Variants in PTPRG observed in about 807,000 individuals in gnomAD.
PTPRG encodes protein tyrosine phosphatase receptor type G.
Under a neutral mutation model 165.3 loss-of-function variants are expected in PTPRG, and 102 were observed. That is an observed-to-expected ratio of 0.62 (90% CI 0.53 to 0.73). PTPRG has a LOEUF of 0.73. Ranked by LOEUF, PTPRG falls within the 30% of genes least tolerant of loss-of-function variation. PTPRG has a pLI of 0.00. For missense variants in PTPRG, 1,866 were observed against 1,861.4 expected (o/e 1.00, Z -0.05); for synonymous variants, 675 against 669.5 (o/e 1.01, Z -0.13).
At chr3:61,787,110 A>T (rs1346650941) in intron 2 of PTPRG, among the ~76,000 whole-genome samples, 2 of 152,222 alleles carry the variant, frequency 1.3e-5, no homozygotes, top group African/African-American at 2.4e-5. Flanking sequence ...GTGCCAAAAA[A>T]AAAAGTTATT....
intron 4 of PTPRG, among the ~76,000 whole-genome samples, 162 bp from the exon 5 acceptor site, chr3:62,077,997 CAAAA>C (rs56828286): frequency 5.3e-5 from 5 of 94,356 alleles, no homozygotes; most frequent in Admixed American, 1.2e-4. Flanking sequence ...GACCTTATCT[CAAAA>C]AAAAAAAAAA....
At chr3:61,690,962 T>G (rs1316151792) in intron 1 of PTPRG, among the ~76,000 whole-genome samples, 1 of 152,200 alleles carries the variant, frequency 6.6e-6, no homozygotes, top group Non-Finnish European at 1.5e-5. Flanking sequence ...TGGGGTGAAT[T>G]GCTATGTTTT....
intron 1 of PTPRG, among the ~76,000 whole-genome samples, chr3:61,659,058 TGC>T (rs1702590031): frequency 1.3e-5 from 2 of 151,968 alleles, no homozygotes; most frequent in African/African-American, 4.8e-5. Context: ...CCCCTGCCCC[TGC>T]CCCTGTTCCC....
chr3:62,101,213 C>A (rs75376337), intron 5 of PTPRG, among the ~76,000 whole-genome samples: 2,332 of 152,132 alleles, frequency 0.015, 55 homozygotes, highest in African/African-American at 0.047. Context: ...AGTTATCACA[C>A]AAAAAATGAA....
chr3:61,802,728 C>T (rs1559620163), intron 2 of PTPRG, among the ~76,000 whole-genome samples: 1 of 152,016 alleles, frequency 6.6e-6, no homozygotes, highest in East Asian at 1.9e-4. Context: ...TGGAGAGCCT[C>T]TTTGTATGAC....
Position 61,619,993 on chromosome 3 carries a change from CT to C in PTPRG, c.85+57622del, listed in dbSNP as rs138485192. Among the ~76,000 whole-genome samples, 776 of 152,272 alleles carry C rather than the reference CT, an allele frequency of 5.1e-3. 9 individuals are homozygous for C. The highest frequency in any genetic ancestry group is 0.018 in the African/African-American group (734 of 41,552). ...GTTACTCCTTCACGCTGAGCTCTGC[CT>C]AATGAAGATTGGCTGTGTAGAGCCA... is the stretch of plus-strand genomic sequence containing the variant. On this transcript the variant is annotated intron_variant, in intron 1 of 29. Transcript: ENST00000474889.
chr3:61,573,967 T>G (rs1039755460), intron 1 of PTPRG, among the ~76,000 whole-genome samples: 1 of 152,194 alleles, frequency 6.6e-6, no homozygotes, highest in East Asian at 1.9e-4. Context: ...TCCATTCTAA[T>G]TAGAGGACAA....
chr3:62,133,852 A>G (rs1576044729), intron 6 of PTPRG, among the ~76,000 whole-genome samples: 1 of 152,038 alleles, frequency 6.6e-6, no homozygotes, highest in Non-Finnish European at 1.5e-5. Context: ...GCATAGTGAT[A>G]GGCGCCTATA....
intron 13 of PTPRG, among the ~76,000 whole-genome samples, chr3:62,225,693 TCAC>T (rs1428446614): frequency 6.6e-6 from 1 of 151,634 alleles, no homozygotes; most frequent in Non-Finnish European, 1.5e-5. Context: ...TTCACTTTTG[TCAC>T]CGAGGCTGTA....
At chr3:61,706,007 T>C (rs565101902) in intron 1 of PTPRG, among the ~76,000 whole-genome samples, 1 of 152,334 alleles carries the variant, frequency 6.6e-6, no homozygotes, top group East Asian at 1.9e-4. Context: ...GGGACAGTTA[T>C]GTTGTATAAA....
chr3:61,800,865 A>T (rs928156258), intron 2 of PTPRG, among the ~76,000 whole-genome samples: 5 of 152,140 alleles, frequency 3.3e-5, no homozygotes, highest in Middle Eastern at 6.8e-3. Flanking sequence ...GCTGGTCTCG[A>T]ACTCTGGACC....
chr3:62,100,792 C>T (rs573650962), intron 5 of PTPRG, among the ~76,000 whole-genome samples: 1 of 152,294 alleles, frequency 6.6e-6, no homozygotes, highest in South Asian at 2.1e-4. Context: ...TTCCACTGAG[C>T]TGTGGACAGA....
At position 62,267,727 on chromosome 3, in the gene PTPRG, T is replaced by C. The variant is rs746925271; in HGVS notation, c.2782T>C (p.Leu928=). The change falls in exon 19 of 30, where the codon TTG becomes CTG. Residue 928 remains leucine (L), a synonymous_variant. Transcript: ENST00000474889. ...AKAYIATQGP[L]KSTFEDFWRM... Reference sequence around the variant, plus strand: ...AGCCTACATTGCCACCCAAGGACCTTTGAAGTCTACATTTGAAGATTTCTG... The same window carrying C: ...AGCCTACATTGCCACCCAAGGACCTCTGAAGTCTACATTTGAAGATTTCTG... 15 of 1,613,432 alleles carry C rather than the reference T, an allele frequency of 9.3e-6. No individual in the cohort carries two copies. The highest frequency in any genetic ancestry group is 5.5e-5 in the South Asian group (5 of 91,048).
In PTPRG at chr3:61,787,638, C is replaced by T. The variant is rs563276692; in HGVS notation, c.190+38656C>T. ...AAATGCTTGATCACTGACCCCAGAC[C>T]TTAATGTTCATTCCTTATTGGAAGC... On this transcript the variant is annotated intron_variant, in intron 2 of 29. Coordinates refer to ENST00000474889, the MANE Select transcript of PTPRG (RefSeq NM_002841.4). Among the ~76,000 whole-genome samples, 18 of 152,300 alleles carry T rather than the reference C, an allele frequency of 1.2e-4. No individual in the cohort carries two copies. In the South Asian group the frequency reaches 1.2e-3, roughly 11 times the overall value.
chr3:62,254,531 G>A lies in PTPRG; in HGVS notation c.2468-593G>A, dbSNP rs1701492941. Among the ~76,000 whole-genome samples, 1 of 152,100 alleles carries A rather than the reference G, an allele frequency of 6.6e-6. No homozygotes were observed. Among genetic ancestry groups the A allele is most frequent in the South Asian group, 2.1e-4 (1 of 4,822 alleles). Reference sequence around the variant, plus strand: ...AAAATCCAGTTAATTCAGTCAAACTGATTATTTGGCATCATGTAGACACAG... The same window carrying A: ...AAAATCCAGTTAATTCAGTCAAACTAATTATTTGGCATCATGTAGACACAG... On this transcript the variant is annotated intron_variant, in intron 15 of 29. Coordinates refer to ENST00000474889, the MANE Select transcript of PTPRG (RefSeq NM_002841.4). This position sits in a 1 kb window ranked among gnomAD's most constrained non-coding sequence, Gnocchi z 4.6.
At chr3:61,937,546 A>G (rs1368504130) in intron 2 of PTPRG, among the ~76,000 whole-genome samples, 2 of 152,230 alleles carry the variant, frequency 1.3e-5, no homozygotes, top group East Asian at 3.8e-4. Flanking sequence ...TTTAGAACAA[A>G]TGCTTAAAAA....
chr3:61,742,355 G>T, intron 1 of PTPRG: 1 of 795,116 alleles, frequency 1.3e-6, no homozygotes, highest in Non-Finnish European at 1.9e-6. Flanking sequence ...AGTAGTAGGT[G>T]ACTCTTAGGA....
intron 2 of PTPRG, among the ~76,000 whole-genome samples, chr3:61,777,261 A>G (rs1343509583): frequency 2.0e-5 from 3 of 152,232 alleles, no homozygotes; most frequent in Non-Finnish European, 4.4e-5. Flanking sequence ...TACTTGCCAC[A>G]TGTGACCATG....
intron 15 of PTPRG, among the ~76,000 whole-genome samples, chr3:62,251,948 T>A (rs952084930): frequency 4.6e-5 from 7 of 152,188 alleles, no homozygotes; most frequent in African/African-American, 1.7e-4. Flanking sequence ...TTTAGCACAG[T>A]CCCTGGTAAC....
Sources: gnomAD v4.1 joint callset for allele counts (sites outside exome capture counted in the v4.1 genomes callset) on GRCh38, gnomAD v4.1.1 for gene constraint, Gnocchi (gnomAD v3.1) non-coding constraint, MANE v1.5 for transcripts, NCBI Gene and HGNC (gene_info 2026-07-23, HGNC 2026-07-21) for gene names.